NAV1: variants seen among roughly 807,000 people sequenced by gnomAD.
The protein encoded by NAV1 is pore membrane and/or filament interacting like protein 3.
In NAV1, 18 loss-of-function variants were observed where a neutral mutation model predicts 175.2. That is an observed-to-expected ratio of 0.10 (90% CI 0.07 to 0.15). The LOEUF (loss-of-function observed/expected upper bound fraction) is 0.15. NAV1 is among the 10% of genes least tolerant of loss of function. The probability of loss-of-function intolerance (pLI) is 1.00; values close to 1 mark genes in which losing one functional copy is unlikely to be tolerated. For synonymous variants in NAV1, 897 were observed against 978.7 expected (o/e 0.92, Z 1.56); for missense variants, 1,731 against 2,436.6 (o/e 0.71, Z 6.10).
At chr1:201,786,455 C>T (rs1676753312) in exon 9 of NAV1, 1 of 1,613,548 alleles carries the variant, frequency 6.2e-7, no homozygotes, top group South Asian at 1.1e-5. Flanking sequence ...CAGGAGGAGA[C>T]CAAGGAGAGG....
At position 201,785,366 on chromosome 1, in the gene NAV1, T is replaced by C; in HGVS notation, c.2846+15T>C. On this transcript the variant is annotated intron_variant, in intron 8 of 29. Coordinates refer to ENST00000367296, the Ensembl canonical transcript of NAV1. ...AAAGGGCTCAGGTAACCCTTTAATG[T>C]GTTTTTTCTTCCCTATAAATGGGAC... 6.2e-7 allele frequency: 1 copy of C among 1,612,780 alleles called. No individual in the cohort carries two copies. Among genetic ancestry groups the C allele is most frequent in the Non-Finnish European group, 8.5e-7 (1 of 1,179,360 alleles).
At chr1:201,669,563 G>T (rs1225143268) in intron 1 of NAV1, among the ~76,000 whole-genome samples, 2 of 152,250 alleles carry the variant, frequency 1.3e-5, no homozygotes, top group African/African-American at 4.8e-5. Flanking sequence ...CCTACATCCA[G>T]TGGAAAGACA....
At chr1:201,790,882 G>A in intron 13 of NAV1, 116 bp downstream of exon 17, 1 of 905,760 alleles carries the variant, frequency 1.1e-6, no homozygotes, top group South Asian at 1.5e-5. Flanking sequence ...GACGTCAAGG[G>A]CATGCGTCTT....
chr1:201,575,715 G>T (rs1394851754), intron 1 of NAV1, among the ~76,000 whole-genome samples: 1 of 152,088 alleles, frequency 6.6e-6, no homozygotes, highest in Non-Finnish European at 1.5e-5. Flanking sequence ...AACATCTGAG[G>T]CCAATTAAGG....
chr1:201,544,196 TG>T (rs1341993628), intron 1 of NAV1, among the ~76,000 whole-genome samples: 2 of 152,172 alleles, frequency 1.3e-5, no homozygotes, highest in East Asian at 3.9e-4. Context: ...GTTTGGAATG[TG>T]GCTTCAGTGT....
At chr1:201,708,075 T>C (rs74136663) in intron 1 of NAV1, among the ~76,000 whole-genome samples, 16 of 152,292 alleles carry the variant, frequency 1.1e-4, no homozygotes, top group African/African-American at 3.8e-4. Context: ...TGTATTTGAT[T>C]GCTAGTCCTT....
At chr1:201,675,095 C>T (rs1297707869) in intron 1 of NAV1, among the ~76,000 whole-genome samples, 3 of 152,018 alleles carry the variant, frequency 2.0e-5, no homozygotes, top group African/African-American at 7.2e-5. Flanking sequence ...GGATCCACTC[C>T]CATGACCCAA....
At chr1:201,688,680 G>A (rs1371004276) in intron 1 of NAV1, among the ~76,000 whole-genome samples, 2 of 152,194 alleles carry the variant, frequency 1.3e-5, no homozygotes, top group Non-Finnish European at 2.9e-5. Context: ...GATTCTGAGA[G>A]CCAACGTAAT....
chr1:201,658,029 T>A (rs1395883472), intron 1 of NAV1, among the ~76,000 whole-genome samples: 1 of 152,214 alleles, frequency 6.6e-6, no homozygotes, highest in African/African-American at 2.4e-5. Context: ...CAAGACCCTG[T>A]GTGAATACAG....
intron 3 of NAV1, among the ~76,000 whole-genome samples, chr1:201,770,164 C>T (rs1408112180): frequency 1.3e-5 from 2 of 152,196 alleles, no homozygotes; most frequent in Admixed American, 1.3e-4. Flanking sequence ...CAATCCTAGC[C>T]AAGAACTACG....
At chr1:201,587,486 G>T (rs1460963476) in intron 1 of NAV1, among the ~76,000 whole-genome samples, 2 of 151,754 alleles carry the variant, frequency 1.3e-5, no homozygotes, top group Non-Finnish European at 2.9e-5. Context: ...AGGAGGTTGA[G>T]ACTATCCTGG....
At chr1:201,580,599 C>A (rs919282518) in intron 1 of NAV1, among the ~76,000 whole-genome samples, 1 of 152,036 alleles carries the variant, frequency 6.6e-6, no homozygotes, top group Admixed American at 6.5e-5. Context: ...ATGGTGAAAC[C>A]CCGTCTCTGC....
chr1:201,640,160 T>C (rs1558030295), intron 2 of NAV1, among the ~76,000 whole-genome samples: 1 of 152,190 alleles, frequency 6.6e-6, no homozygotes, highest in East Asian at 1.9e-4. Flanking sequence ...TAAATCTCTC[T>C]CTGGAGCCCA....
chr1:201,590,990 C>T (rs1667176147), intron 2 of NAV1, among the ~76,000 whole-genome samples: 1 of 152,184 alleles, frequency 6.6e-6, no homozygotes, highest in Non-Finnish European at 1.5e-5. Flanking sequence ...TTAGCACCAT[C>T]TAACCTTCTA....
At chr1:201,756,862 T>TTCTTTC (rs1674532701) in intron 3 of NAV1, among the ~76,000 whole-genome samples, 1 of 100,796 alleles carries the variant, frequency 9.9e-6, no homozygotes, top group Admixed American at 9.7e-5. Flanking sequence ...CTTTCTTTCT[T>TTCTTTC]TCTTTCTTTC....
exon 1 of NAV1, chr1:201,623,348 A>C (rs1470462213): frequency 1.0e-6 from 1 of 985,802 alleles, no homozygotes; most frequent in Non-Finnish European, 1.2e-6. Flanking sequence ...TTTCACGGAG[A>C]AACTCAAATA....
intron 1 of NAV1, among the ~76,000 whole-genome samples, chr1:201,580,117 G>C (rs1047464770): frequency 2.6e-5 from 4 of 152,210 alleles, no homozygotes; most frequent in African/African-American, 9.6e-5. Context: ...AGGAGAGAGA[G>C]AGCAAATTCA....
chr1:201,778,147 G>C (rs984696320), intron 3 of NAV1, among the ~76,000 whole-genome samples: 3 of 152,156 alleles, frequency 2.0e-5, no homozygotes, highest in African/African-American at 7.2e-5. Context: ...CAGGAAAAGA[G>C]CTTGGGAAGG....
At chr1:201,686,792 A>G (rs750038110) in intron 1 of NAV1, among the ~76,000 whole-genome samples, 5 of 151,978 alleles carry the variant, frequency 3.3e-5, no homozygotes, top group Non-Finnish European at 7.4e-5. Context: ...AAATAGCCCA[A>G]CCCCTGCAGC....
Sources: gnomAD v4.1 joint callset for allele counts (sites outside exome capture counted in the v4.1 genomes callset) on GRCh38, gnomAD v4.1.1 for gene constraint, MANE v1.5 for transcripts, NCBI Gene and HGNC (gene_info 2026-07-23, HGNC 2026-07-21) for gene names.